The following TDRD15 variants were observed in gnomAD, a reference collection of about 807,000 sequenced individuals.
TDRD15 encodes tudor domain containing 15.
For missense variants in TDRD15, 1,416 were observed against 904.7 expected (o/e 1.57, Z -7.25); for synonymous variants, 503 against 314.5 (o/e 1.60, Z -6.34).
chr2:21,144,025 C>T lies in TDRD15; in HGVS notation c.*753C>T, dbSNP rs902152133. Among the ~76,000 whole-genome samples, 13 of 151,778 alleles carry T rather than the reference C, an allele frequency of 8.6e-5. No individual in the cohort carries two copies. Among genetic ancestry groups the T allele is most frequent in the African/African-American group, 3.1e-4 (13 of 41,494 alleles). On this transcript the variant is annotated 3_prime_UTR_variant, in exon 4 of 4. Transcript: ENST00000405799. Reference sequence around the variant, plus strand: ...AATAAATCTTGCTATTATTAGTGAGCTTCCTGCGCTTATTTTGAAGAATCA... The same window carrying T: ...AATAAATCTTGCTATTATTAGTGAGTTTCCTGCGCTTATTTTGAAGAATCA...
chr2:21,125,605 ATTG>A (rs1220449431), intron 1 of TDRD15, among the ~76,000 whole-genome samples: 7 of 152,068 alleles, frequency 4.6e-5, no homozygotes, highest in African/African-American at 1.7e-4. Context: ...GAGTCACTTA[ATTG>A]TTGTACCACT....
intron 3 of TDRD15, among the ~76,000 whole-genome samples, chr2:21,136,928 T>A (rs970962131): frequency 2.6e-5 from 4 of 152,034 alleles, no homozygotes; most frequent in African/African-American, 9.7e-5. Context: ...GATTGTATAA[T>A]GATGCCGATA....
downstream of TDRD15, among the ~76,000 whole-genome samples, chr2:21,146,172 T>G (rs1666026439): frequency 6.6e-6 from 1 of 152,022 alleles, no homozygotes; most frequent in Admixed American, 6.6e-5. Context: ...TCTTAGAATC[T>G]ATTCTTCCTG....
Position 21,137,784 on chromosome 2 carries a change from A to C in TDRD15, c.317A>C (p.Gln106Pro). 2 of 716,650 alleles carry C rather than the reference A, an allele frequency of 2.8e-6. No individual in the cohort carries two copies. The highest frequency in any genetic ancestry group is 5.2e-6 in the Non-Finnish European group (2 of 384,504). The allele number at this position is 716,650 out of a possible 1,614,324, so 44.4% of individuals were successfully genotyped here. Residue 106 changes from glutamine (Q) to proline (P), a missense_variant, in exon 4 of 4, where the codon CAG (glutamine) becomes CCG (proline). Transcript: ENST00000405799. The stretch of plus-strand genomic sequence containing the variant: ...GAAGAACTAAGAGTTGCTGGTCCAC[A>C]GATTGCTTCAGCCTGTGGCAATTTA... ...RGEELRVAGP[Q>P]IASACGNLFE... is the part of the protein sequence containing the mutation.
In TDRD15 at chr2:21,138,189, G is replaced by T. The variant is rs1185637521; in HGVS notation, c.722G>T (p.Ser241Ile). The stretch of plus-strand genomic sequence containing the variant: ...TTGCAGCCATCTTTGTCAGTAGGAA[G>T]TACTGAAAGTGTAAAGGTATCATCT... ...DKLQPSLSVG[S>I]TESVKVSSAL... The change falls in exon 4 of 4, where the codon AGT (serine) becomes ATT (isoleucine). Residue 241 changes from serine to isoleucine, a missense_variant. Coordinates refer to ENST00000405799, the MANE Select transcript of TDRD15 (RefSeq NM_001306137.2). 1 of 716,700 alleles carries T rather than the reference G, an allele frequency of 1.4e-6. No homozygotes were observed. The highest frequency in any genetic ancestry group is 1.5e-5 in the South Asian group (1 of 67,552). 44.4% of individuals were successfully genotyped at this position (716,700 alleles called of 1,614,324 possible).
Position 21,137,593 on chromosome 2 carries a change from C to G in TDRD15, c.126C>G (p.Asp42Glu), listed in dbSNP as rs1292116033. Residue 42 changes from aspartate (D) to glutamate (E), a missense_variant, in exon 4 of 4, where the codon GAC becomes GAG. Asp to Glu is a conservative substitution (Grantham distance 45). Coordinates refer to ENST00000405799, the MANE Select transcript of TDRD15 (RefSeq NM_001306137.2). ...QGIKSNECEFDYHVLQREIQH... is the reference protein window; with the variant it reads ...QGIKSNECEFEYHVLQREIQH... ...TAAAGAGTAATGAATGTGAGTTTGACTACCATGTATTGCAGAGAGAAATAC... is the reference window on the plus strand; with the variant it reads ...TAAAGAGTAATGAATGTGAGTTTGAGTACCATGTATTGCAGAGAGAAATAC... 1 of 715,504 alleles carries G rather than the reference C, an allele frequency of 1.4e-6. No homozygotes were observed. Among genetic ancestry groups the G allele is most frequent in the Non-Finnish European group, 2.6e-6 (1 of 384,160 alleles). 44.3% of individuals were successfully genotyped at this position (715,504 alleles called of 1,614,324 possible).
At position 21,137,450 on chromosome 2, in the gene TDRD15, T is replaced by C. The variant is rs1558298175; in HGVS notation, c.-3-15T>C. 1 of 614,306 alleles carries C rather than the reference T, an allele frequency of 1.6e-6. No homozygotes were observed. Among genetic ancestry groups the C allele is most frequent in the Non-Finnish European group, 2.9e-6 (1 of 339,558 alleles). The allele number at this position is 614,306 out of a possible 1,614,324, so 38.1% of individuals were successfully genotyped here. A position where few individuals can be genotyped will look rare whatever the true frequency, so the allele number is the denominator to read the frequency against. ...AACTTTGATAGCTAATGAGTAATTA[T>C]TATTTGCTTTTTAGAAAATGGATTC... On this transcript the variant is annotated splice_polypyrimidine_tract_variant and intron_variant, in intron 3 of 3. Transcript: ENST00000405799.
downstream of TDRD15, among the ~76,000 whole-genome samples, chr2:21,145,084 A>G (rs1319472183): frequency 6.6e-6 from 1 of 151,976 alleles, no homozygotes; most frequent in East Asian, 1.9e-4. Flanking sequence ...CAAAGAGGCT[A>G]GGAGTATTAT....
chr2:21,126,780 T>C (rs925797737), intron 1 of TDRD15, among the ~76,000 whole-genome samples: 9 of 152,238 alleles, frequency 5.9e-5, no homozygotes, highest in African/African-American at 2.2e-4. Flanking sequence ...AACAGTCTCC[T>C]ACAAGTTTTT....
intron 2 of TDRD15, among the ~76,000 whole-genome samples, chr2:21,134,534 T>A (rs1167121388): frequency 6.6e-6 from 1 of 151,990 alleles, no homozygotes; most frequent in Non-Finnish European, 1.5e-5. Context: ...ATAAGTCAAA[T>A]TATATGATAA....
rs573012265 is a variant in TDRD15 at position 21,143,519 on chromosome 2, C to A, written c.*247C>A. 4.0e-4 allele frequency among the ~76,000 whole-genome samples: 60 copies of A among 151,638 alleles called. No individual in the cohort carries two copies. Among genetic ancestry groups the A allele is most frequent in the African/African-American group, 1.3e-3 (55 of 41,500 alleles). ...ATTTTGTTTGATACATGTACAACAG[C>A]TTCATTTTGGGAACTGCCTGATGGT... On this transcript the variant is annotated 3_prime_UTR_variant, in exon 4 of 4. Coordinates refer to ENST00000405799, the MANE Select transcript of TDRD15 (RefSeq NM_001306137.2).
In TDRD15 at chr2:21,139,515, A is replaced by T. The variant is rs780561222; in HGVS notation, c.2048A>T (p.Asn683Ile). ...PKSVSEYSML[N>I]SESKNKVNIK... ...TCTGTAAGTGAATATTCAATGCTAA[A>T]TTCAGAATCTAAAAACAAAGTTAAT... The change falls in exon 4 of 4, where the codon AAT becomes ATT. Residue 683 changes from asparagine (N) to isoleucine (I), a missense_variant. Coordinates refer to ENST00000405799, the MANE Select transcript of TDRD15 (RefSeq NM_001306137.2). 3 of 700,432 alleles carry T rather than the reference A, an allele frequency of 4.3e-6. No homozygotes were observed. The South Asian group carries it at 4.7e-5, about 11-fold the overall frequency. 43.4% of individuals were successfully genotyped at this position (700,432 alleles called of 1,614,324 possible). A position where few individuals can be genotyped will look rare whatever the true frequency, so the allele number is the denominator to read the frequency against.
At chr2:21,125,141 G>GGT (rs1665559499) in intron 1 of TDRD15, among the ~76,000 whole-genome samples, 1 of 148,122 alleles carries the variant, frequency 6.8e-6, no homozygotes, top group African/African-American at 2.5e-5. Flanking sequence ...CTAATGTCAG[G>GGT]GTGTGTGTGT....
intron 2 of TDRD15, among the ~76,000 whole-genome samples, chr2:21,130,388 A>C (rs1238964772): frequency 6.6e-6 from 1 of 152,286 alleles, no homozygotes; most frequent in East Asian, 1.9e-4. Context: ...CCATGATTCA[A>C]CTTAGGATTT....
chr2:21,136,887 C>T (rs1337852584), intron 3 of TDRD15, among the ~76,000 whole-genome samples: 1 of 151,986 alleles, frequency 6.6e-6, no homozygotes, highest in East Asian at 1.9e-4. Context: ...CAGGTCTCAG[C>T]TGATTTCCCT....
Position 21,141,717 on chromosome 2 carries a change from A to G in TDRD15, c.4250A>G (p.Glu1417Gly), listed in dbSNP as rs1665937223. 1 of 715,322 alleles carries G rather than the reference A, an allele frequency of 1.4e-6. No individual in the cohort carries two copies. The highest frequency in any genetic ancestry group is 1.8e-5 in the African/African-American group (1 of 57,136). The allele number at this position is 715,322 out of a possible 1,614,324, so 44.3% of individuals were successfully genotyped here. The change falls in exon 4 of 4, where the codon GAG (glutamate) becomes GGG (glycine). Residue 1417 changes from glutamate (E) to glycine (G), a missense_variant. Transcript: ENST00000405799. Reference sequence around the variant, plus strand: ...TTTCTTAGTGGAGTAAAATGGAATGAGCCTGATGAAATATGGGATGACAAA... The same window carrying G: ...TTTCTTAGTGGAGTAAAATGGAATGGGCCTGATGAAATATGGGATGACAAA... ...HAFLSGVKWN[E>G]PDEIWDDKTV... is the part of the protein sequence containing the mutation.
intron 1 of TDRD15, among the ~76,000 whole-genome samples, chr2:21,124,390 C>T (rs1004150220): frequency 6.8e-5 from 10 of 147,322 alleles, no homozygotes; most frequent in African/African-American, 2.5e-4. Flanking sequence ...GTGTATGACA[C>T]AGTGATCCTA....
In TDRD15 at chr2:21,137,464, GA is replaced by G. The variant is rs1665829594; in HGVS notation, c.1del. ...ATGAGTAATTATTATTTGCTTTTTA[GA>G]AAATGGATTCTACATCTTTCTTACC... On this transcript the variant is annotated splice_region_variant and 5_prime_UTR_variant, in exon 4 of 4. Coordinates refer to ENST00000405799, the MANE Select transcript of TDRD15 (RefSeq NM_001306137.2). The G allele has an allele frequency of 1.6e-6, 1 of 619,708 alleles. No individual in the cohort carries two copies. The highest frequency in any genetic ancestry group is 3.1e-5 in the Admixed American group (1 of 32,088). The allele number at this position is 619,708 out of a possible 1,614,324, so 38.4% of individuals were successfully genotyped here. A position where few individuals can be genotyped will look rare whatever the true frequency, so the allele number is the denominator to read the frequency against.
intron 1 of TDRD15, among the ~76,000 whole-genome samples, chr2:21,125,493 G>C (rs957253244): frequency 1.3e-5 from 2 of 150,610 alleles, no homozygotes; most frequent in South Asian, 2.1e-4. Context: ...GAGTTGTTGC[G>C]TGTGTGTGTG....
Sources: gnomAD v4.1 joint callset for allele counts (sites outside exome capture counted in the v4.1 genomes callset) on GRCh38, gnomAD v4.1.1 for gene constraint, MANE v1.5 for transcripts, NCBI Gene and HGNC (gene_info 2026-07-23, HGNC 2026-07-21) for gene names.